The following ATF7IP variants were observed in gnomAD, a reference collection of about 807,000 sequenced individuals.
ATF7IP encodes the protein activating transcription factor 7 interacting protein.
In ATF7IP, 23 loss-of-function variants were observed where a neutral mutation model predicts 106.4. The observed-to-expected ratio is 0.22, with a 90% CI of 0.16 to 0.31. ATF7IP has a LOEUF of 0.31. Ranked by LOEUF, ATF7IP falls within the 10% of genes least tolerant of loss-of-function variation. The pLI, the probability that ATF7IP is intolerant of heterozygous loss-of-function variation, is 1.00. For synonymous variants in ATF7IP, 542 were observed against 539.0 expected, an observed-to-expected ratio of 1.01 and a Z score of -0.08; for missense variants, 1,334 against 1,524.3, an observed-to-expected ratio of 0.88 and a Z score of 2.08.
intron 3 of ATF7IP, among the ~76,000 whole-genome samples, chr12:14,435,750 G>T (rs908282205): frequency 6.6e-6 from 1 of 152,144 alleles, no homozygotes; most frequent in African/African-American, 2.4e-5. Context: ...ACTATATTTT[G>T]TCAGAGGATT....
At chr12:14,464,219 G>A (rs909541898) in intron 9 of ATF7IP, among the ~76,000 whole-genome samples, 4 of 152,290 alleles carry the variant, frequency 2.6e-5, no homozygotes, top group Admixed American at 2.0e-4. Flanking sequence ...GGCCGAAGCA[G>A]GAGGCCGAAG....
chr12:14,459,040 A>C (rs75320291), intron 8 of ATF7IP, among the ~76,000 whole-genome samples: 2 of 152,312 alleles, frequency 1.3e-5, no homozygotes, highest in East Asian at 3.9e-4. Flanking sequence ...CATGCTTTCA[A>C]TGACAGATAC....
At chr12:14,379,943 C>G (rs980497642) in intron 1 of ATF7IP, among the ~76,000 whole-genome samples, 9 of 151,998 alleles carry the variant, frequency 5.9e-5, no homozygotes, top group Non-Finnish European at 1.3e-4. Flanking sequence ...AATTCTTGCC[C>G]TTCAACTCTG....
At chr12:14,465,734 T>A (rs145524891) in intron 9 of ATF7IP, among the ~76,000 whole-genome samples, 66 of 152,142 alleles carry the variant, frequency 4.3e-4, no homozygotes, top group African/African-American at 1.5e-3. Flanking sequence ...TAGTTTAACT[T>A]CCTGTATTTT....
At chr12:14,416,974 A>G (rs1450630606) in intron 1 of ATF7IP, 1 of 983,450 alleles carries the variant, frequency 1.0e-6, no homozygotes, top group Admixed American at 6.2e-5. Flanking sequence ...TACAAGGTTC[A>G]TCTGTAAGGA....
intron 1 of ATF7IP, chr12:14,416,989 G>T: frequency 6.1e-6 from 6 of 976,142 alleles, no homozygotes; most frequent in Non-Finnish European, 7.3e-6. Context: ...TAAGGAAGGG[G>T]GGAAATGAGG....
intron 1 of ATF7IP, among the ~76,000 whole-genome samples, chr12:14,402,127 C>CTTTTTTTTTTTT (rs11297116): frequency 6.9e-5 from 7 of 101,876 alleles, no homozygotes; most frequent in African/African-American, 1.1e-4. Flanking sequence ...TTTCTTCTTT[C>CTTTTTTTTTTTT]TTTTTTTTTT....
rs546196571 is a variant in ATF7IP at position 14,502,181 on chromosome 12, A to G, written c.*4108A>G. The G allele has an allele frequency of 2.0e-5, 3 of 152,330 alleles. No homozygotes were observed. The highest frequency in any genetic ancestry group is 7.2e-5 in the African/African-American group (3 of 41,574). 9.4% of individuals were successfully genotyped at this position (152,330 alleles called of 1,614,324 possible). Reference sequence around the variant, plus strand: ...GAAAAGTCAAGTCCCAGTATTTGCAATATCAAATAACTCTAAAACCGATGT... The same window carrying G: ...GAAAAGTCAAGTCCCAGTATTTGCAGTATCAAATAACTCTAAAACCGATGT... On this transcript the variant is annotated 3_prime_UTR_variant, in exon 15 of 15. Transcript: ENST00000261168.
At position 14,436,122 on chromosome 12, in the gene ATF7IP, A is replaced by T; in HGVS notation, c.1662A>T (p.Arg554=). 1 of 1,612,844 alleles carries T rather than the reference A, an allele frequency of 6.2e-7. No individual in the cohort carries two copies. Among genetic ancestry groups the T allele is most frequent in the Non-Finnish European group, 8.5e-7 (1 of 1,179,466 alleles). The change falls in exon 4 of 15, where the codon CGA becomes CGT. Residue 554 remains arginine (R), a synonymous_variant. Coordinates refer to ENST00000261168, the MANE Select transcript of ATF7IP (RefSeq NM_018179.5). ...RPSEKNEFSR[R]KRSKSEDMDN... ...CCTTCTCAGATGAATTTTCTAGACG[A>T]AAACGTTCTAAATCAGAAGACATGG...
intron 8 of ATF7IP, among the ~76,000 whole-genome samples, 189 bp from the exon 9 acceptor site, chr12:14,460,306 C>A (rs1943588362): frequency 6.6e-6 from 1 of 152,030 alleles, no homozygotes; most frequent in African/African-American, 2.4e-5. Context: ...AAACTACATG[C>A]AAAATGCTTC....
intron 1 of ATF7IP, among the ~76,000 whole-genome samples, chr12:14,407,524 T>G (rs1940663197): frequency 6.6e-6 from 1 of 152,174 alleles, no homozygotes; most frequent in South Asian, 2.1e-4. Context: ...CATAATAAAT[T>G]TGTACTATAC....
intron 13 of ATF7IP, among the ~76,000 whole-genome samples, chr12:14,491,381 C>T (rs991311442): frequency 1.3e-5 from 2 of 152,200 alleles, no homozygotes; most frequent in African/African-American, 4.8e-5. Flanking sequence ...AATGTGTTGA[C>T]AGGCCCCACA....
intron 1 of ATF7IP, among the ~76,000 whole-genome samples, chr12:14,403,144 A>G (rs1426062738): frequency 6.6e-6 from 1 of 152,040 alleles, no homozygotes. Flanking sequence ...TATGTTCTTA[A>G]TTTTTATTTT....
intron 5 of ATF7IP, among the ~76,000 whole-genome samples, chr12:14,442,497 T>A (rs1416674822): frequency 6.6e-6 from 1 of 152,168 alleles, no homozygotes; most frequent in African/African-American, 2.4e-5. Flanking sequence ...TAGTGCAAGA[T>A]CATGAGAGGA....
chr12:14,440,223 A>G (rs1292544432), intron 5 of ATF7IP, among the ~76,000 whole-genome samples: 1 of 152,160 alleles, frequency 6.6e-6, no homozygotes, highest in Non-Finnish European at 1.5e-5. Flanking sequence ...ACTTTTCATT[A>G]GGCCATCATT....
At chr12:14,417,370 C>A (rs16909870) in intron 1 of ATF7IP, among the ~76,000 whole-genome samples, 2,106 of 152,198 alleles carry the variant, frequency 0.014, 63 homozygotes, top group African/African-American at 0.048. Flanking sequence ...CACAACACTT[C>A]ATAATACTAT....
intron 6 of ATF7IP, among the ~76,000 whole-genome samples, chr12:14,451,952 G>A (rs1184897612): frequency 6.6e-6 from 1 of 152,080 alleles, no homozygotes; most frequent in Non-Finnish European, 1.5e-5. Flanking sequence ...TGAAAGTGGG[G>A]TATTGAAGTT....
intron 1 of ATF7IP, among the ~76,000 whole-genome samples, chr12:14,400,691 C>T (rs1212687845): frequency 2.0e-5 from 3 of 151,936 alleles, no homozygotes; most frequent in Admixed American, 6.6e-5. Context: ...AGATAGATAC[C>T]TTAAAGGTCC....
chr12:14,436,172 G>T lies in ATF7IP; in HGVS notation c.1712G>T (p.Arg571Leu). ...GACAATGTACAGTCTAAACGTCGTC[G>T]ATATATGGAAGAAGAATATGAGGCA... is the stretch of plus-strand genomic sequence containing the variant. ...DMDNVQSKRR[R>L]YMEEEYEAEF... Residue 571 changes from arginine (R) to leucine (L), a missense_variant, in exon 4 of 15, where the codon CGA (arginine) becomes CTA (leucine). Transcript: ENST00000261168. The T allele has an allele frequency of 6.2e-7, 1 of 1,613,610 alleles. No homozygotes were observed. Among genetic ancestry groups the T allele is most frequent in the Non-Finnish European group, 8.5e-7 (1 of 1,179,772 alleles).
Sources: allele counts gnomAD v4.1 joint callset (sites outside exome capture counted in the v4.1 genomes callset), GRCh38; gene constraint gnomAD v4.1.1; transcripts MANE v1.5; gene names NCBI Gene and HGNC (gene_info 2026-07-23, HGNC 2026-07-21).